SLC14A2: variants seen among roughly 807,000 people sequenced by gnomAD.
The protein encoded by SLC14A2 is urea transporter 2.
Under a neutral mutation model 104.6 loss-of-function variants are expected in SLC14A2, and 91 were observed. The ratio of observed to expected loss-of-function variants is 0.87; its 90% CI spans 0.73 to 1.04. The LOEUF is 1.04. SLC14A2 is among the 50% of genes least tolerant of loss of function. The pLI, the probability that SLC14A2 is intolerant of heterozygous loss-of-function variation, is 0.00. For synonymous variants in SLC14A2, 476 were observed against 466.4 expected (o/e 1.02, Z -0.27); for missense variants, 1,189 against 1,156.0 (o/e 1.03, Z -0.41).
At chr18:45,659,771 T>C (rs1243676924) in intron 10 of SLC14A2, among the ~76,000 whole-genome samples, 1 of 152,172 alleles carries the variant, frequency 6.6e-6, no homozygotes, top group Non-Finnish European at 1.5e-5. Flanking sequence ...GATACATTAT[T>C]TTACAAAAAC....
At chr18:45,550,412 T>G (rs1254914801) in intron 2 of SLC14A2, among the ~76,000 whole-genome samples, 1 of 152,182 alleles carries the variant, frequency 6.6e-6, no homozygotes, top group African/African-American at 2.4e-5. Flanking sequence ...GGAAATCCCA[T>G]ATTGAGTTAA....
chr18:45,580,979 T>C (rs1333271812), intron 2 of SLC14A2, among the ~76,000 whole-genome samples: 1 of 152,102 alleles, frequency 6.6e-6, no homozygotes, highest in Non-Finnish European at 1.5e-5. Flanking sequence ...ACAGTTGTTC[T>C]GCAGGACAGC....
intron 1 of SLC14A2, among the ~76,000 whole-genome samples, chr18:45,384,217 T>A (rs3095772): frequency 1.3e-5 from 2 of 151,764 alleles, no homozygotes; most frequent in Non-Finnish European, 2.9e-5. Context: ...AAAGGAGGAG[T>A]GAGAACAAGT....
At chr18:45,379,687 G>A (rs575121583) in intron 1 of SLC14A2, among the ~76,000 whole-genome samples, 2 of 152,284 alleles carry the variant, frequency 1.3e-5, no homozygotes, top group Admixed American at 1.3e-4. Flanking sequence ...TATCAAAGCT[G>A]AATCACTGTT....
At chr18:45,634,465 T>A (rs1382532096) in intron 5 of SLC14A2, among the ~76,000 whole-genome samples, 1 of 152,236 alleles carries the variant, frequency 6.6e-6, no homozygotes, top group Admixed American at 6.5e-5. Context: ...CAGACATGTG[T>A]GCTCAGGGAA....
chr18:45,350,260 A>T (rs1379278442), intron 1 of SLC14A2, among the ~76,000 whole-genome samples: 2 of 152,258 alleles, frequency 1.3e-5, no homozygotes, highest in Non-Finnish European at 2.9e-5. Flanking sequence ...ACCATTCTGG[A>T]TAAAACCTCA....
chr18:45,251,965 C>A (rs117649831), intron 1 of SLC14A2, among the ~76,000 whole-genome samples: 351 of 151,880 alleles, frequency 2.3e-3, no homozygotes, highest in South Asian at 4.0e-3. Flanking sequence ...GACGCATTAG[C>A]TTGTAGAACA....
the SLC14A2 span, among the ~76,000 whole-genome samples, chr18:45,181,618 T>C: frequency 6.6e-6 from 1 of 151,922 alleles, no homozygotes; most frequent in Non-Finnish European, 1.5e-5. Context: ...AATTCAAGCA[T>C]AAAAAAATGA....
intron 2 of SLC14A2, among the ~76,000 whole-genome samples, chr18:45,531,940 C>T (rs1348576532): frequency 6.6e-6 from 1 of 152,148 alleles, no homozygotes; most frequent in Non-Finnish European, 1.5e-5. Context: ...TTTCCCAGCA[C>T]CATTTATTAA....
chr18:45,576,147 AAAC>A (rs1187770262), intron 2 of SLC14A2, among the ~76,000 whole-genome samples: 3 of 152,178 alleles, frequency 2.0e-5, no homozygotes, highest in South Asian at 2.1e-4. Flanking sequence ...TAGTGTTACA[AAAC>A]AACAATAGTC....
chr18:45,453,295 C>T (rs557565288), intron 1 of SLC14A2, among the ~76,000 whole-genome samples: 5 of 152,180 alleles, frequency 3.3e-5, no homozygotes, highest in East Asian at 1.9e-4. Flanking sequence ...CATTGCTCTC[C>T]GGCATCCCCT....
chr18:45,362,560 C>A (rs561071731), intron 1 of SLC14A2, among the ~76,000 whole-genome samples: 2 of 152,186 alleles, frequency 1.3e-5, no homozygotes, highest in Admixed American at 6.5e-5. Context: ...AGTCACACAA[C>A]TAGATGGTGG....
chr18:45,370,010 G>A (rs1200613916), intron 1 of SLC14A2, among the ~76,000 whole-genome samples: 2 of 152,210 alleles, frequency 1.3e-5, no homozygotes, highest in Non-Finnish European at 2.9e-5. Flanking sequence ...GAGAGCCAGA[G>A]CTGTTGAGGC....
intron 2 of SLC14A2, among the ~76,000 whole-genome samples, chr18:45,544,728 A>C (rs1468929900): frequency 1.3e-5 from 2 of 151,278 alleles, no homozygotes; most frequent in Non-Finnish European, 2.9e-5. Flanking sequence ...TACCTTTTTA[A>C]ATTTAACATA....
In SLC14A2 at chr18:45,307,672, TA is replaced by T. The variant is rs527739263; in HGVS notation, c.-125+94487del. Among the ~76,000 whole-genome samples the T allele has an allele frequency of 1.2e-4, 18 of 152,218 alleles. No homozygotes were observed. The East Asian group carries it at 3.5e-3, about 29-fold the overall frequency. On this transcript the variant is annotated intron_variant, in intron 1 of 20. Transcript: ENST00000586448. ...TCCCTTCATACTCTTCTACTTTCTG[TA>T]AAAAACCTATCCTCATAATAAGGAC...
At chr18:45,556,387 G>A (rs2044133633) in intron 2 of SLC14A2, among the ~76,000 whole-genome samples, 2 of 152,116 alleles carry the variant, frequency 1.3e-5, no homozygotes. Flanking sequence ...AGACATGGAA[G>A]GAATCTTATC....
At chr18:45,616,119 G>T (rs1015569065) in intron 1 of SLC14A2, among the ~76,000 whole-genome samples, 1 of 152,154 alleles carries the variant, frequency 6.6e-6, no homozygotes, top group African/African-American at 2.4e-5. Flanking sequence ...CACAAGTGGA[G>T]CACCCCTGGG....
intron 1 of SLC14A2, among the ~76,000 whole-genome samples, chr18:45,404,565 T>C (rs568845695): frequency 2.5e-4 from 38 of 152,212 alleles, no homozygotes; most frequent in Admixed American, 1.2e-3. Flanking sequence ...GAGAAACTTA[T>C]GATTCAAAAT....
At chr18:45,196,145 A>C in the SLC14A2 span, among the ~76,000 whole-genome samples, 1 of 152,224 alleles carries the variant, frequency 6.6e-6, no homozygotes, top group Admixed American at 6.5e-5. Context: ...GATTGGCACA[A>C]AGATAGTTTA....
Sources: gnomAD v4.1 joint callset for allele counts (sites outside exome capture counted in the v4.1 genomes callset) on GRCh38, gnomAD v4.1.1 for gene constraint, MANE v1.5 for transcripts, NCBI Gene and HGNC (gene_info 2026-07-23, HGNC 2026-07-21) for gene names.